SIPA1L2: variants seen among roughly 807,000 people sequenced by gnomAD.
SIPA1L2 encodes the protein signal-induced proliferation-associated 1-like protein 2.
In SIPA1L2, 56 loss-of-function variants were observed where a neutral mutation model predicts 163.9. The observed-to-expected ratio is 0.34, with a 90% CI of 0.28 to 0.43. SIPA1L2 has a LOEUF of 0.43. SIPA1L2 is among the 20% of genes least tolerant of loss of function. SIPA1L2 has a pLI of 1.00. For missense variants in SIPA1L2, 1,974 were observed against 2,193.5 expected, an observed-to-expected ratio of 0.90 and a Z score of 2.00; for synonymous variants, 877 against 865.7, an observed-to-expected ratio of 1.01 and a Z score of -0.23.
intron 2 of SIPA1L2, among the ~76,000 whole-genome samples, chr1:232,558,692 G>A (rs1356792507): frequency 6.6e-6 from 1 of 152,120 alleles, no homozygotes; most frequent in East Asian, 1.9e-4. Flanking sequence ...AAAGTCTTCT[G>A]GAAGAACTAA....
chr1:232,502,191 G>C (rs149226360), intron 3 of SIPA1L2, among the ~76,000 whole-genome samples: 4 of 152,028 alleles, frequency 2.6e-5, no homozygotes, highest in Admixed American at 6.5e-5. Flanking sequence ...GAATCCTCCC[G>C]GCTCCTAATG....
intron 10 of SIPA1L2, among the ~76,000 whole-genome samples, chr1:232,459,078 G>A (rs555058788): frequency 2.6e-4 from 39 of 152,336 alleles, no homozygotes; most frequent in African/African-American, 9.4e-4. Flanking sequence ...CAAATGCTAA[G>A]ATAACTAATA....
At chr1:232,479,390 T>C (rs1207388515) in intron 7 of SIPA1L2, among the ~76,000 whole-genome samples, 1 of 152,222 alleles carries the variant, frequency 6.6e-6, no homozygotes, top group Non-Finnish European at 1.5e-5. Flanking sequence ...AAGATTTTGC[T>C]TAGCAAGCAA....
At chr1:232,565,032 G>A (rs909233829) in intron 2 of SIPA1L2, among the ~76,000 whole-genome samples, 11 of 152,152 alleles carry the variant, frequency 7.2e-5, no homozygotes, top group Admixed American at 5.9e-4. Flanking sequence ...AAACCGGCAC[G>A]TTCTGTGCTT....
At chr1:232,621,537 C>G (rs1662810760) in intron 1 of SIPA1L2, among the ~76,000 whole-genome samples, 1 of 152,064 alleles carries the variant, frequency 6.6e-6, no homozygotes, top group South Asian at 2.1e-4. Context: ...TTTCATTAAA[C>G]CTTAGTTTTT....
At chr1:232,517,136 C>G (rs1347370099) in intron 2 of SIPA1L2, among the ~76,000 whole-genome samples, 3 of 152,128 alleles carry the variant, frequency 2.0e-5, no homozygotes, top group Non-Finnish European at 4.4e-5. Flanking sequence ...CATAACCAGT[C>G]CCCAACTAGA....
chr1:232,616,567 A>G (rs1331691167), intron 1 of SIPA1L2, among the ~76,000 whole-genome samples: 1 of 152,222 alleles, frequency 6.6e-6, no homozygotes, highest in Non-Finnish European at 1.5e-5. Flanking sequence ...GCAGACACAG[A>G]TGGAAGGAAC....
chr1:232,486,511 G>A (rs1442672464), intron 5 of SIPA1L2, among the ~76,000 whole-genome samples: 1 of 152,166 alleles, frequency 6.6e-6, no homozygotes, highest in African/African-American at 2.4e-5. Context: ...AGATGTCTTA[G>A]GACAGCTGCC....
At position 232,515,024 on chromosome 1, in the gene SIPA1L2, T is replaced by C. The variant is rs754407531; in HGVS notation, c.316A>G (p.Ser106Gly). The change falls in exon 3 of 23, where the codon AGT (serine) becomes GGT (glycine). Residue 106 changes from serine to glycine, a missense_variant. This residue lies in a region of SIPA1L2 where 607 missense variants were observed against 624.0 expected (regional missense o/e 0.97). Transcript: ENST00000674635. Reference sequence around the variant, plus strand: ...AGGACAGAAGTGATGCTTTCATAACTGGTCTGAGACCGGCTTTCCCACAGT... The same window carrying C: ...AGGACAGAAGTGATGCTTTCATAACCGGTCTGAGACCGGCTTTCCCACAGT... ...KALWESRSQT[S>G]YESITSVLQN... is the part of the protein sequence containing the mutation. 12 of 1,614,088 alleles carry C rather than the reference T, an allele frequency of 7.4e-6. No homozygotes were observed. The Admixed American group carries it at 1.0e-4, about 13-fold the overall frequency.
chr1:232,609,829 C>CAAAAAAAAAAAA (rs71173228), intron 1 of SIPA1L2, among the ~76,000 whole-genome samples: 3 of 102,342 alleles, frequency 2.9e-5, no homozygotes, highest in Non-Finnish European at 4.1e-5. Context: ...GACTCCATCT[C>CAAAAAAAAAAAA]AAAAAAAAAA....
chr1:232,503,858 CTA>C (rs1309254489), intron 3 of SIPA1L2, among the ~76,000 whole-genome samples: 2 of 151,962 alleles, frequency 1.3e-5, no homozygotes, highest in South Asian at 4.1e-4. Context: ...TTCGAACACT[CTA>C]GAGTTATTTT....
chr1:232,527,632 A>G (rs1573030668), intron 2 of SIPA1L2, among the ~76,000 whole-genome samples: 1 of 152,146 alleles, frequency 6.6e-6, no homozygotes, highest in East Asian at 1.9e-4. Flanking sequence ...ACCTGAAGAA[A>G]AAAAGGAAAA....
intron 3 of SIPA1L2, among the ~76,000 whole-genome samples, chr1:232,494,067 C>A (rs1379849851): frequency 6.6e-6 from 1 of 152,238 alleles, no homozygotes; most frequent in East Asian, 1.9e-4. Context: ...CGAATGAGGG[C>A]ACCAGAGATG....
At chr1:232,531,321 A>C (rs1312671733) in intron 2 of SIPA1L2, among the ~76,000 whole-genome samples, 1 of 152,074 alleles carries the variant, frequency 6.6e-6, no homozygotes, top group African/African-American at 2.4e-5. Flanking sequence ...TAGCTTCCTT[A>C]TTGGAGTTCC....
At chr1:232,470,590 A>G (rs1160954935) in intron 8 of SIPA1L2, among the ~76,000 whole-genome samples, 1 of 152,212 alleles carries the variant, frequency 6.6e-6, no homozygotes. Context: ...CTGCTTTAAG[A>G]TGATAAATGA....
chr1:232,598,228 CCTGT>C (rs72000800), intron 1 of SIPA1L2, among the ~76,000 whole-genome samples: 158 of 85,930 alleles, frequency 1.8e-3, no homozygotes, highest in South Asian at 6.1e-3. Context: ...ATAGTGAAAC[CCTGT>C]CTGTTAAAAA....
intron 2 of SIPA1L2, among the ~76,000 whole-genome samples, chr1:232,554,724 G>T (rs1302931975): frequency 6.6e-6 from 1 of 152,212 alleles, no homozygotes; most frequent in East Asian, 1.9e-4. Context: ...GTGTGCCCTG[G>T]CCTTGCAGCT....
At chr1:232,522,900 A>G (rs1435083551) in intron 2 of SIPA1L2, among the ~76,000 whole-genome samples, 1 of 152,256 alleles carries the variant, frequency 6.6e-6, no homozygotes, top group Admixed American at 6.5e-5. Context: ...TTTACAAAGT[A>G]TAGGATGACT....
chr1:232,416,376 G>A (rs1661264994), intron 18 of SIPA1L2, among the ~76,000 whole-genome samples: 1 of 152,222 alleles, frequency 6.6e-6, no homozygotes, highest in Non-Finnish European at 1.5e-5. Context: ...CAGCATGTAA[G>A]GGCAGGGATG....
Sources: gnomAD v4.1 joint callset for allele counts (sites outside exome capture counted in the v4.1 genomes callset) on GRCh38, gnomAD v4.1.1 for gene constraint, gnomAD v4.1.1 regional missense constraint, MANE v1.5 for transcripts, NCBI Gene and HGNC (gene_info 2026-07-23, HGNC 2026-07-21) for gene names.